The following TCF12 variants were observed in gnomAD, a reference collection of about 807,000 sequenced individuals.
TCF12 encodes the protein transcription factor 12, also known as DNA-binding protein HTF4.
Under a neutral mutation model 86.0 loss-of-function variants are expected in TCF12, and 45 were observed. The observed-to-expected ratio is 0.52, with a 90% CI of 0.41 to 0.67. The LOEUF (loss-of-function observed/expected upper bound fraction) is 0.67. TCF12 is among the 30% of genes least tolerant of loss of function. The pLI is 0.00. For missense variants in TCF12, 881 were observed against 859.9 expected (o/e 1.02, Z -0.31); for synonymous variants, 330 against 299.6 (o/e 1.10, Z -1.05).
intron 3 of TCF12, among the ~76,000 whole-genome samples, chr15:56,978,163 G>A (rs914321376): frequency 6.6e-6 from 1 of 152,108 alleles, no homozygotes; most frequent in Non-Finnish European, 1.5e-5. Flanking sequence ...CTTCAATACT[G>A]CAATGATCAT....
At chr15:57,214,559 A>G (rs555552137) in intron 8 of TCF12, among the ~76,000 whole-genome samples, 4 of 152,224 alleles carry the variant, frequency 2.6e-5, no homozygotes, top group Non-Finnish European at 5.9e-5. Context: ...CTAAAACTCA[A>G]TTTAGACTTG....
intron 6 of TCF12, among the ~76,000 whole-genome samples, chr15:57,174,523 ATCATTTTATGTT>A (rs2055766245): frequency 6.6e-6 from 1 of 152,204 alleles, no homozygotes; most frequent in Admixed American, 6.5e-5. Context: ...TTTTGTTCTC[ATCATTTTATGTT>A]TTGGCCAGTG....
At chr15:56,986,037 T>C (rs2063163515) in intron 3 of TCF12, among the ~76,000 whole-genome samples, 1 of 152,162 alleles carries the variant, frequency 6.6e-6, no homozygotes, top group Admixed American at 6.5e-5. Flanking sequence ...TGTAATGCTA[T>C]AGATGACTAC....
At chr15:56,938,252 C>A (rs902681103) in intron 3 of TCF12, among the ~76,000 whole-genome samples, 1 of 151,776 alleles carries the variant, frequency 6.6e-6, no homozygotes. Flanking sequence ...CCTCTGACTC[C>A]CTGGTTCAAG....
chr15:56,941,067 T>C (rs2060748557), intron 3 of TCF12, among the ~76,000 whole-genome samples: 1 of 127,838 alleles, frequency 7.8e-6, no homozygotes, highest in African/African-American at 3.0e-5. Flanking sequence ...GGCCTTTAAA[T>C]TATTTTTTAT....
intron 4 of TCF12, among the ~76,000 whole-genome samples, chr15:57,080,018 T>A (rs1436555940): frequency 1.3e-5 from 2 of 152,182 alleles, no homozygotes; most frequent in Non-Finnish European, 2.9e-5. Flanking sequence ...GAAAAATAAT[T>A]TAGATGCTCT....
At chr15:57,004,186 T>C (rs2064211112) in intron 3 of TCF12, among the ~76,000 whole-genome samples, 1 of 152,134 alleles carries the variant, frequency 6.6e-6, no homozygotes, top group Non-Finnish European at 1.5e-5. Flanking sequence ...AATTAAAAAT[T>C]GAGCTAAAGA....
chr15:57,065,404 G>C (rs1206435129), intron 4 of TCF12, among the ~76,000 whole-genome samples: 11 of 152,160 alleles, frequency 7.2e-5, no homozygotes, highest in African/African-American at 2.7e-4. Context: ...AAACGTTTCT[G>C]ATTCTTTGAG....
At chr15:57,265,074 ATAGTATAGTATAGTATAGT>A (rs2060791936) in intron 18 of TCF12, among the ~76,000 whole-genome samples, 1 of 5,004 alleles carries the variant, frequency 2.0e-4, no homozygotes. Context: ...GATAAATAGT[ATAGTATAGTATAGTATAGT>A]ATAGTATAGT....
intron 12 of TCF12, among the ~76,000 whole-genome samples, chr15:57,234,351 A>G (rs1347123970): frequency 6.6e-6 from 1 of 152,246 alleles, no homozygotes; most frequent in Non-Finnish European, 1.5e-5. Context: ...TAATCATTAA[A>G]TCTATTTCTT....
intron 5 of TCF12, chr15:57,109,378 T>G (rs1329204547): frequency 4.6e-5 from 7 of 152,164 alleles, no homozygotes; most frequent in Admixed American, 3.3e-4. Context: ...AAATGCATAT[T>G]TCTTATTTCC....
chr15:57,268,461 A>G (rs936189006), intron 18 of TCF12, among the ~76,000 whole-genome samples: 10 of 152,122 alleles, frequency 6.6e-5, no homozygotes, highest in Non-Finnish European at 1.5e-5. Flanking sequence ...AGTGGACAAT[A>G]ACCTCAAGCT....
At chr15:56,959,601 A>G (rs1484765881) in intron 3 of TCF12, among the ~76,000 whole-genome samples, 5 of 152,248 alleles carry the variant, frequency 3.3e-5, no homozygotes, top group Admixed American at 1.3e-4. Context: ...TTACATACAT[A>G]TTAAACCTTT....
chr15:57,230,274 A>G (rs573324359), intron 8 of TCF12, among the ~76,000 whole-genome samples: 5 of 152,092 alleles, frequency 3.3e-5, no homozygotes, highest in Admixed American at 3.3e-4. Flanking sequence ...TGTTTGTTTC[A>G]TACACTGCTC....
chr15:57,107,344 T>C (rs1276271323), intron 5 of TCF12, among the ~76,000 whole-genome samples: 1 of 149,626 alleles, frequency 6.7e-6, no homozygotes, highest in Non-Finnish European at 1.5e-5. Context: ...GACTATATAT[T>C]GTGTAATTTC....
chr15:57,192,373 G>C, intron 7 of TCF12, 80 bp downstream of exon 7: 6 of 1,455,200 alleles, frequency 4.1e-6, no homozygotes, highest in Non-Finnish European at 5.5e-6. Context: ...TTCTGGCTAT[G>C]CTTTTTTTTT....
At chr15:56,978,484 A>C (rs1274414249) in intron 3 of TCF12, among the ~76,000 whole-genome samples, 1 of 152,198 alleles carries the variant, frequency 6.6e-6, no homozygotes, top group African/African-American at 2.4e-5. Context: ...AGAGTTACCC[A>C]GACAAAACAA....
intron 19 of TCF12, among the ~76,000 whole-genome samples, chr15:57,274,730 G>GT (rs1463090021): frequency 6.6e-6 from 1 of 152,110 alleles, no homozygotes; most frequent in Non-Finnish European, 1.5e-5. Flanking sequence ...GCCATTTATT[G>GT]TTAAAGCCAC....
intron 3 of TCF12, among the ~76,000 whole-genome samples, chr15:57,032,262 A>G (rs1391979478): frequency 1.3e-5 from 2 of 152,212 alleles, no homozygotes; most frequent in Non-Finnish European, 2.9e-5. Context: ...ACCCACAGGA[A>G]TAATCCAAAT....
Sources: gnomAD v4.1 joint callset for allele counts (sites outside exome capture counted in the v4.1 genomes callset) on GRCh38, gnomAD v4.1.1 for gene constraint, MANE v1.5 for transcripts, NCBI Gene and HGNC (gene_info 2026-07-23, HGNC 2026-07-21) for gene names.